Variants in TSHZ2 observed in about 807,000 individuals in gnomAD.
TSHZ2 encodes teashirt homolog 2.
In TSHZ2, 21 loss-of-function variants were observed where a neutral mutation model predicts 74.4. The observed-to-expected ratio is 0.28, with a 90% CI of 0.20 to 0.41. The LOEUF is 0.41. Ranked by LOEUF, TSHZ2 falls within the 10% of genes least tolerant of loss-of-function variation. The pLI is 1.00. For synonymous variants in TSHZ2, 540 were observed against 515.3 expected (o/e 1.05, Z -0.65); for missense variants, 1,244 against 1,293.5 (o/e 0.96, Z 0.59).
chr20:53,318,436 G>T (rs1296782403), intron 2 of TSHZ2, among the ~76,000 whole-genome samples: 2 of 152,186 alleles, frequency 1.3e-5, no homozygotes, highest in Non-Finnish European at 2.9e-5. Flanking sequence ...ATTTCTCAGG[G>T]CCTGGCAATT....
At chr20:53,422,650 C>T (rs181332991) in intron 2 of TSHZ2, among the ~76,000 whole-genome samples, 1 of 152,282 alleles carries the variant, frequency 6.6e-6, no homozygotes, top group Non-Finnish European at 1.5e-5. Context: ...CCGGCCAGGC[C>T]TCTCATTACC....
intron 1 of TSHZ2, among the ~76,000 whole-genome samples, chr20:53,025,203 A>G (rs1402068179): frequency 2.0e-5 from 3 of 151,688 alleles, no homozygotes; most frequent in Non-Finnish European, 4.4e-5. Flanking sequence ...GTAAAACTCC[A>G]TCCTATTTGC....
chr20:53,173,903 G>C (rs1988261413), intron 1 of TSHZ2, among the ~76,000 whole-genome samples: 1 of 152,180 alleles, frequency 6.6e-6, no homozygotes, highest in Non-Finnish European at 1.5e-5. Flanking sequence ...ATACCTCTGT[G>C]TGTAGTGTGT....
intron 1 of TSHZ2, among the ~76,000 whole-genome samples, chr20:53,223,330 A>G (rs552901281): frequency 1.2e-4 from 19 of 152,314 alleles, no homozygotes; most frequent in African/African-American, 4.6e-4. Context: ...TATGACAAGA[A>G]TTATGCCAAG....
chr20:53,193,297 C>T (rs151243675), intron 1 of TSHZ2, among the ~76,000 whole-genome samples: 6 of 152,274 alleles, frequency 3.9e-5, no homozygotes, highest in African/African-American at 1.4e-4. Context: ...CTGTTTCCTA[C>T]CCTCTTTGTC....
At chr20:53,266,772 A>AT (rs11344692) in intron 2 of TSHZ2, among the ~76,000 whole-genome samples, 2,164 of 98,720 alleles carry the variant, frequency 0.022, 54 homozygotes, top group South Asian at 0.048. Flanking sequence ...CCGATCGACG[A>AT]TTTTTTTTTT....
At chr20:53,093,988 G>GT (rs10548699) in intron 1 of TSHZ2, among the ~76,000 whole-genome samples, 499 of 145,522 alleles carry the variant, frequency 3.4e-3, no homozygotes, top group South Asian at 5.0e-3. Context: ...TTTTGACTTA[G>GT]TTTTTTTTTT....
intron 1 of TSHZ2, among the ~76,000 whole-genome samples, chr20:53,133,248 A>C (rs1600705692): frequency 6.6e-6 from 1 of 152,270 alleles, no homozygotes; most frequent in East Asian, 1.9e-4. Context: ...TTGTGTCTCA[A>C]CTTGGTCTCC....
chr20:53,135,394 G>A (rs980668253), intron 1 of TSHZ2, among the ~76,000 whole-genome samples: 2 of 152,108 alleles, frequency 1.3e-5, no homozygotes, highest in Non-Finnish European at 2.9e-5. Context: ...GAAGCCCGCA[G>A]TAATTAACCT....
At chr20:53,162,409 C>G (rs1476707877) in intron 1 of TSHZ2, among the ~76,000 whole-genome samples, 1 of 152,222 alleles carries the variant, frequency 6.6e-6, no homozygotes, top group South Asian at 2.1e-4. Context: ...TTACTCCTTT[C>G]TATGCTGAGA....
rs1309550217 is a variant in TSHZ2, at chr20:53,193,257, G to A, written c.41-60242G>A. 4.0e-5 allele frequency among the ~76,000 whole-genome samples: 6 copies of A among 151,674 alleles called. No individual in the cohort carries two copies. The South Asian group carries it at 1.3e-3, about 32-fold the overall frequency. ...TCTCATATCAACTCCTAGAGATTCA[G>A]AGAAAAAATAAGAAAATGTTTCCAG... On this transcript the variant is annotated intron_variant, in intron 1 of 2. Transcript: ENST00000371497.
intron 1 of TSHZ2, among the ~76,000 whole-genome samples, chr20:53,109,376 A>G (rs1283628358): frequency 6.6e-6 from 1 of 152,094 alleles, no homozygotes; most frequent in Non-Finnish European, 1.5e-5. Context: ...CTCTAGACCT[A>G]TGCTTCTTTC....
At chr20:53,400,373 CAG>C (rs1182502177) in intron 2 of TSHZ2, 2 of 152,314 alleles carry the variant, frequency 1.3e-5, no homozygotes, top group African/African-American at 4.8e-5. Context: ...TGTTCCGACA[CAG>C]AAACGCAGCA....
chr20:53,288,515 C>T (rs1259280252), intron 2 of TSHZ2, among the ~76,000 whole-genome samples: 2 of 151,312 alleles, frequency 1.3e-5, no homozygotes, highest in Admixed American at 1.3e-4. Context: ...TGTTTTTTTG[C>T]CAAAGTCTTG....
intron 1 of TSHZ2, among the ~76,000 whole-genome samples, chr20:53,123,647 G>T (rs544579574): frequency 1.3e-5 from 2 of 152,140 alleles, no homozygotes; most frequent in African/African-American, 4.8e-5. Flanking sequence ...ACATGGCACA[G>T]TCAAGCCTAC....
At chr20:53,460,410 A>G (rs1267496069) in intron 2 of TSHZ2, among the ~76,000 whole-genome samples, 2 of 152,106 alleles carry the variant, frequency 1.3e-5, no homozygotes, top group African/African-American at 4.8e-5. Context: ...AGCTCCTTTA[A>G]GCACTTCTCT....
At chr20:53,463,172 A>G (rs1022237406) in intron 2 of TSHZ2, among the ~76,000 whole-genome samples, 2 of 152,168 alleles carry the variant, frequency 1.3e-5, no homozygotes, top group African/African-American at 4.8e-5. Flanking sequence ...GCAGTGGTGC[A>G]CTGCACTTCT....
At chr20:53,360,972 G>C (rs897607100) in intron 2 of TSHZ2, among the ~76,000 whole-genome samples, 2 of 152,110 alleles carry the variant, frequency 1.3e-5, no homozygotes, top group South Asian at 2.1e-4. Flanking sequence ...TCTCCCTCTG[G>C]GGGGCTAGTT....
At chr20:53,417,289 T>A (rs975377797) in intron 2 of TSHZ2, among the ~76,000 whole-genome samples, 3 of 151,460 alleles carry the variant, frequency 2.0e-5, no homozygotes, top group African/African-American at 7.3e-5. Context: ...CCATAGTTTT[T>A]TTTTTTTATT....
Sources: gnomAD v4.1 joint callset for allele counts (sites outside exome capture counted in the v4.1 genomes callset) on GRCh38, gnomAD v4.1.1 for gene constraint, MANE v1.5 for transcripts, NCBI Gene and HGNC (gene_info 2026-07-23, HGNC 2026-07-21) for gene names.